MTPN: variants seen among roughly 807,000 people sequenced by gnomAD.
MTPN encodes granule cell differentiation protein.
Under a neutral mutation model 13.5 loss-of-function variants are expected in MTPN, and 2 were observed. That is an observed-to-expected ratio of 0.15 (90% CI 0.06 to 0.47). The LOEUF is 0.47. Ranked by LOEUF, MTPN falls within the 20% of genes least tolerant of loss-of-function variation. The pLI is 0.97. For synonymous variants in MTPN, 46 were observed against 51.7 expected (o/e 0.89, Z 0.48); for missense variants, 79 against 137.9 (o/e 0.57, Z 2.14).
At chr7:135,949,030 G>A (rs1799325558) in intron 3 of MTPN, among the ~76,000 whole-genome samples, 1 of 152,106 alleles carries the variant, frequency 6.6e-6, no homozygotes, top group African/African-American at 2.4e-5. Flanking sequence ...CTGAGGAAGA[G>A]ACCTGGGACA....
rs147940635 is a variant in MTPN, at chr7:135,967,591, A to C, written c.72+9438T>G. On this transcript the variant is annotated intron_variant, in intron 1 of 3. Transcript: ENST00000393085. ...TTAATTTTTCCTTATCTATAAAATA[A>C]GGGAGCTGGACTAGTTGCTCTGTAA... Among the ~76,000 whole-genome samples the C allele has an allele frequency of 8.5e-5, 13 of 152,312 alleles. No individual in the cohort carries two copies. In the East Asian group the frequency reaches 2.5e-3, roughly 29 times the overall value.
At chr7:135,974,378 T>C (rs535619338) in intron 1 of MTPN, among the ~76,000 whole-genome samples, 1 of 152,220 alleles carries the variant, frequency 6.6e-6, no homozygotes, top group South Asian at 2.1e-4. Context: ...ATCCAGTCTC[T>C]ACAAAAAATA....
chr7:135,957,948 A>G (rs1469424739), intron 1 of MTPN, among the ~76,000 whole-genome samples: 1 of 152,168 alleles, frequency 6.6e-6, no homozygotes, highest in Non-Finnish European at 1.5e-5. Context: ...TTTCCTAGAC[A>G]ACAGAATCAG....
chr7:135,934,127 G>A (rs1159643109), intron 3 of MTPN, among the ~76,000 whole-genome samples: 1 of 152,088 alleles, frequency 6.6e-6, no homozygotes, highest in East Asian at 1.9e-4. Context: ...GTTCTCTATA[G>A]CAGTGTAAGA....
chr7:135,943,945 T>C, intron 3 of MTPN, among the ~76,000 whole-genome samples: 1 of 152,232 alleles, frequency 6.6e-6, no homozygotes, highest in East Asian at 1.9e-4. Context: ...ACTGCAATGT[T>C]TTGAAACTTT....
Position 135,927,343 on chromosome 7 carries a change from A to G in MTPN, c.*2583T>C. 6.4e-7 allele frequency: 1 copy of G among 1,551,358 alleles called. No individual in the cohort carries two copies. The highest frequency in any genetic ancestry group is 1.2e-5 in the South Asian group (1 of 84,038). On this transcript the variant is annotated 3_prime_UTR_variant, in exon 4 of 4. Transcript: ENST00000393085. The stretch of plus-strand genomic sequence containing the variant: ...AGTGCTGTATTTGAACGATAAGCCT[A>G]TAGATAACAGTCTGAAGCTGCAAGG...
chr7:135,971,560 T>C (rs1337965567), intron 1 of MTPN, among the ~76,000 whole-genome samples: 1 of 152,124 alleles, frequency 6.6e-6, no homozygotes, highest in Non-Finnish European at 1.5e-5. Flanking sequence ...AGGAAGTGAG[T>C]TCACATCTCA....
chr7:135,950,020 G>A (rs1244864295), intron 3 of MTPN, among the ~76,000 whole-genome samples: 1 of 152,104 alleles, frequency 6.6e-6, no homozygotes, highest in African/African-American at 2.4e-5. Context: ...AGCTAGAATG[G>A]CGGCAACTAA....
At chr7:135,968,868 A>C (rs980441542) in intron 1 of MTPN, among the ~76,000 whole-genome samples, 2 of 152,070 alleles carry the variant, frequency 1.3e-5, no homozygotes, top group African/African-American at 4.8e-5. Flanking sequence ...AGAGAATGTG[A>C]GAGGGAGATA....
At chr7:135,961,297 T>G (rs1799518273) in intron 1 of MTPN, among the ~76,000 whole-genome samples, 2 of 143,852 alleles carry the variant, frequency 1.4e-5, no homozygotes, top group South Asian at 4.5e-4. Context: ...CACTGTATTG[T>G]AGGCAAAAAT....
In MTPN at chr7:135,952,741, C is replaced by A. The variant is rs377165819; in HGVS notation, c.73-1111G>T. ...CTTTGGGAGGCCAAGACTGGTACAT[C>A]ACTTGAGCCTAGGAGTTCAAGACCA... On this transcript the variant is annotated intron_variant, in intron 1 of 3. Coordinates refer to ENST00000393085, the MANE Select transcript of MTPN (RefSeq NM_145808.4). Among the ~76,000 whole-genome samples, 13 of 152,278 alleles carry A rather than the reference C, an allele frequency of 8.5e-5. No individual in the cohort carries two copies. In the South Asian group the frequency reaches 2.3e-3, roughly 27 times the overall value.
chr7:135,939,677 C>T (rs1319733965), intron 3 of MTPN, among the ~76,000 whole-genome samples: 3 of 148,850 alleles, frequency 2.0e-5, no homozygotes, highest in Non-Finnish European at 4.4e-5. Context: ...CATCTTCAGA[C>T]TTTCTCGTTT....
At chr7:135,935,872 C>G (rs1294337045) in intron 3 of MTPN, among the ~76,000 whole-genome samples, 4 of 151,988 alleles carry the variant, frequency 2.6e-5, no homozygotes, top group African/African-American at 9.7e-5. Context: ...GACTCTTAGA[C>G]ACTAAGTTTC....
intron 3 of MTPN, among the ~76,000 whole-genome samples, chr7:135,937,361 C>T (rs1046996035): frequency 2.0e-5 from 3 of 147,450 alleles, no homozygotes; most frequent in Non-Finnish European, 4.4e-5. Context: ...TCTCCAAGTG[C>T]TAACTGGATA....
chr7:135,940,655 C>T (rs1260882400), intron 3 of MTPN, among the ~76,000 whole-genome samples: 2 of 152,188 alleles, frequency 1.3e-5, no homozygotes, highest in African/African-American at 4.8e-5. Flanking sequence ...CCATCTGACT[C>T]CAAATTTTGT....
At chr7:135,956,752 T>C (rs1301283952) in intron 1 of MTPN, among the ~76,000 whole-genome samples, 1 of 152,202 alleles carries the variant, frequency 6.6e-6, no homozygotes, top group African/African-American at 2.4e-5. Flanking sequence ...TTTTCAACCT[T>C]TCCTGTTTTA....
chr7:135,950,642 A>G lies in MTPN; in HGVS notation c.227T>C (p.Val76Ala). 2 of 1,613,450 alleles carry G rather than the reference A, an allele frequency of 1.2e-6. No homozygotes were observed. Among genetic ancestry groups the G allele is most frequent in the Non-Finnish European group, 1.7e-6 (2 of 1,179,460 alleles). Residue 76 changes from valine to alanine, a missense_variant, in exon 3 of 4, where the codon GTC (valine) becomes GCC (alanine). Coordinates refer to ENST00000393085, the MANE Select transcript of MTPN (RefSeq NM_145808.4). Reference protein sequence around the residue: ...KHHITPLLSAVYEGHVSCVKL... With the variant: ...KHHITPLLSAAYEGHVSCVKL... ...CACACAGGAAACATGACCCTCATAG[A>G]CAGCAGACAGAAGAGGAGTAATATG...
chr7:135,972,231 G>GCGCGCACACACACACACACACACACA, intron 1 of MTPN, among the ~76,000 whole-genome samples: 1 of 124,718 alleles, frequency 8.0e-6, no homozygotes, highest in African/African-American at 3.0e-5. Context: ...GCACGCGCGC[G>GCGCGCACACACACACACACACACACA]CACACACACA....
intron 3 of MTPN, chr7:135,932,469 A>T (rs531897717): frequency 1.3e-5 from 2 of 152,206 alleles, no homozygotes; most frequent in African/African-American, 4.8e-5. Context: ...AAATATTTTT[A>T]AAATGTATAT....
Sources: allele counts gnomAD v4.1 joint callset (sites outside exome capture counted in the v4.1 genomes callset), GRCh38; gene constraint gnomAD v4.1.1; transcripts MANE v1.5; gene names NCBI Gene and HGNC (gene_info 2026-07-23, HGNC 2026-07-21).